Variants in GRID2 observed in about 807,000 individuals in gnomAD.
The protein encoded by GRID2 is glutamate receptor ionotropic, delta-2.
A neutral mutation model predicts 114.8 loss-of-function variants in GRID2; 33 were observed. That is an observed-to-expected ratio of 0.29 (90% CI 0.22 to 0.38). The LOEUF is 0.38. GRID2 is among the 10% of genes least tolerant of loss of function. The pLI, the probability that GRID2 is intolerant of heterozygous loss-of-function variation, is 1.00. For synonymous variants in GRID2, 505 were observed against 449.9 expected, an observed-to-expected ratio of 1.12 and a Z score of -1.55; for missense variants, 1,184 against 1,257.7, an observed-to-expected ratio of 0.94 and a Z score of 0.89.
chr4:93,305,475 G>A (rs35126421), intron 8 of GRID2, among the ~76,000 whole-genome samples: 10,676 of 152,168 alleles, frequency 0.07, 534 homozygotes, highest in Non-Finnish European at 0.11. Flanking sequence ...TTTGGCTGAT[G>A]ATGCTTAGGG....
intron 2 of GRID2, among the ~76,000 whole-genome samples, chr4:92,652,806 AAT>A (rs1160778704): frequency 1.2e-4 from 17 of 136,076 alleles, no homozygotes; most frequent in East Asian, 4.4e-4. Context: ...TGAAAAAAAA[AAT>A]ATATATATAT....
At chr4:92,845,161 A>G (rs1422457695) in intron 2 of GRID2, among the ~76,000 whole-genome samples, 2 of 152,136 alleles carry the variant, frequency 1.3e-5, no homozygotes, top group Non-Finnish European at 2.9e-5. Flanking sequence ...CAGGGACCAC[A>G]TACCACACCC....
Position 93,697,105 on chromosome 4 carries a change from A to T in GRID2, c.2360+70670A>T, listed in dbSNP as rs374344079. 1.3e-4 allele frequency among the ~76,000 whole-genome samples: 20 copies of T among 152,334 alleles called. No homozygotes were observed. In the East Asian group the frequency reaches 2.5e-3, roughly 19 times the overall value. Reference sequence around the variant, plus strand: ...TGGTTTTACAAATATTAGGCAATTCAAATTTGGATATTTGATAAACACTGG... The same window carrying T: ...TGGTTTTACAAATATTAGGCAATTCTAATTTGGATATTTGATAAACACTGG... On this transcript the variant is annotated intron_variant, in intron 14 of 15. Coordinates refer to ENST00000282020, the MANE Select transcript of GRID2 (RefSeq NM_001510.4).
chr4:93,243,888 A>C (rs1329784827), intron 8 of GRID2, among the ~76,000 whole-genome samples: 1 of 152,078 alleles, frequency 6.6e-6, no homozygotes, highest in African/African-American at 2.4e-5. Context: ...CTCAAAGTCA[A>C]ATTTTGAAAT....
At chr4:92,897,143 A>G (rs976837643) in intron 2 of GRID2, among the ~76,000 whole-genome samples, 3 of 152,096 alleles carry the variant, frequency 2.0e-5, no homozygotes, top group African/African-American at 4.8e-5. Flanking sequence ...CCTAATGCTT[A>G]CCTTCTTCAG....
At chr4:93,103,404 T>C (rs1476914602) in intron 3 of GRID2, among the ~76,000 whole-genome samples, 1 of 152,136 alleles carries the variant, frequency 6.6e-6, no homozygotes. Flanking sequence ...CTGCTTTTCT[T>C]AGGCCTGAAG....
Position 92,961,988 on chromosome 4 carries a change from G to A in GRID2, c.245-123007G>A, listed in dbSNP as rs140656525. Among the ~76,000 whole-genome samples, 767 of 151,770 alleles carry A rather than the reference G, an allele frequency of 5.1e-3. 11 individuals are homozygous for A. Among genetic ancestry groups the A allele is most frequent in the African/African-American group, 0.018 (728 of 41,434 alleles). ...AAAGGCATTCTTTATTACTTTTACA[G>A]TGTTTTTGAGCTCTAGAATTTCTTT... On this transcript the variant is annotated intron_variant, in intron 2 of 15. Transcript: ENST00000282020.
At chr4:93,723,876 G>A (rs1434941473) in intron 14 of GRID2, among the ~76,000 whole-genome samples, 3 of 152,044 alleles carry the variant, frequency 2.0e-5, no homozygotes, top group Admixed American at 6.6e-5. Context: ...TAACAAACTG[G>A]TAACCAATTA....
intron 2 of GRID2, among the ~76,000 whole-genome samples, chr4:92,662,926 A>T (rs2149270353): frequency 6.6e-6 from 1 of 151,216 alleles, no homozygotes; most frequent in Non-Finnish European, 1.5e-5. Flanking sequence ...ACTGTCCTCT[A>T]ATTGTGAAGT....
chr4:93,103,693 T>A (rs1731914873), intron 3 of GRID2, among the ~76,000 whole-genome samples: 1 of 151,982 alleles, frequency 6.6e-6, no homozygotes, highest in Non-Finnish European at 1.5e-5. Flanking sequence ...GTGCAGAATG[T>A]TTTCAGTATG....
intron 8 of GRID2, among the ~76,000 whole-genome samples, chr4:93,315,411 T>G (rs1356001977): frequency 3.9e-5 from 6 of 152,170 alleles, no homozygotes; most frequent in African/African-American, 1.4e-4. Context: ...CCCTACCCAC[T>G]GTCCCCTGGC....
chr4:92,630,193 T>A, intron 2 of GRID2, among the ~76,000 whole-genome samples: 1 of 152,128 alleles, frequency 6.6e-6, no homozygotes, highest in East Asian at 1.9e-4. Flanking sequence ...AGCCGTTATC[T>A]ACTGCTCTGA....
chr4:93,267,857 C>T (rs1751024907), intron 8 of GRID2, among the ~76,000 whole-genome samples: 1 of 152,186 alleles, frequency 6.6e-6, no homozygotes. Context: ...ATACAGCCCT[C>T]TCTGAGCTAG....
chr4:92,727,129 T>C (rs925272817), intron 2 of GRID2, among the ~76,000 whole-genome samples: 2 of 152,082 alleles, frequency 1.3e-5, no homozygotes, highest in South Asian at 2.1e-4. Context: ...TTATTCCCTA[T>C]GTATTTGTAT....
intron 1 of GRID2, among the ~76,000 whole-genome samples, chr4:92,503,813 C>G (rs1723812900): frequency 6.6e-6 from 1 of 151,934 alleles, no homozygotes; most frequent in Non-Finnish European, 1.5e-5. Flanking sequence ...TAATAAAGTG[C>G]CCAGGGATCT....
intron 8 of GRID2, among the ~76,000 whole-genome samples, chr4:93,255,766 G>A (rs868799853): frequency 6.6e-6 from 1 of 151,958 alleles, no homozygotes; most frequent in Admixed American, 6.6e-5. Flanking sequence ...AAAGATGAAG[G>A]TGCTGGTGTC....
chr4:92,575,413 T>C (rs1315526407), intron 1 of GRID2, among the ~76,000 whole-genome samples: 1 of 152,228 alleles, frequency 6.6e-6, no homozygotes, highest in African/African-American at 2.4e-5. Context: ...GTGAGTTTTC[T>C]GTGTTTTTGC....
intron 13 of GRID2, among the ~76,000 whole-genome samples, chr4:93,541,620 A>T (rs1007197089): frequency 1.3e-5 from 2 of 152,122 alleles, no homozygotes; most frequent in Non-Finnish European, 2.9e-5. Flanking sequence ...CTCTCATGCC[A>T]TTTATACATG....
chr4:93,722,213 G>A (rs1729441696), intron 14 of GRID2, among the ~76,000 whole-genome samples: 1 of 151,898 alleles, frequency 6.6e-6, no homozygotes. Flanking sequence ...ACCACGCCCG[G>A]CCAATAAGTT....
Sources: gnomAD v4.1 joint callset for allele counts (sites outside exome capture counted in the v4.1 genomes callset) on GRCh38, gnomAD v4.1.1 for gene constraint, MANE v1.5 for transcripts, NCBI Gene and HGNC (gene_info 2026-07-23, HGNC 2026-07-21) for gene names.